Variants in ENPP1 observed in about 807,000 individuals in gnomAD.
ENPP1 encodes the protein ectonucleotide pyrophosphatase/phosphodiesterase 1.
ENPP1 carries 73 observed loss-of-function variants against 122.8 expected under a neutral mutation model. The observed-to-expected ratio is 0.59, with a 90% CI of 0.49 to 0.72. The LOEUF (loss-of-function observed/expected upper bound fraction) is 0.72. Among genes scored for constraint, ENPP1 ranks in the 30% least tolerant of loss-of-function variants. The pLI, the probability that ENPP1 is intolerant of heterozygous loss-of-function variation, is 0.00. For synonymous variants in ENPP1, 367 were observed against 391.6 expected, an observed-to-expected ratio of 0.94 and a Z score of 0.74; for missense variants, 978 against 1,128.1, an observed-to-expected ratio of 0.87 and a Z score of 1.91.
At chr6:131,874,063 CTATA>C (rs1182052340) in intron 15 of ENPP1, among the ~76,000 whole-genome samples, 1 of 152,084 alleles carries the variant, frequency 6.6e-6, no homozygotes, top group East Asian at 1.9e-4. Context: ...CTTCTGTCTA[CTATA>C]TTGCTTATAG....
chr6:131,827,185 T>C, intron 1 of ENPP1: 1 of 769,444 alleles, frequency 1.3e-6, no homozygotes, highest in Non-Finnish European at 2.4e-6. Context: ...CACAAGCTAA[T>C]GTTTTTCAGT....
intron 1 of ENPP1, among the ~76,000 whole-genome samples, chr6:131,844,192 A>G (rs1275917111): frequency 6.6e-6 from 1 of 152,240 alleles, no homozygotes; most frequent in African/African-American, 2.4e-5. Flanking sequence ...GCCACTTGTG[A>G]GAGTACAGTT....
rs1293625114 is a variant in ENPP1, at chr6:131,891,542, C to G, written c.*1031C>G. 2.0e-5 allele frequency: 3 copies of G among 152,302 alleles called. No homozygotes were observed. The highest frequency in any genetic ancestry group is 2.9e-5 in the Non-Finnish European group (2 of 68,036). 9.4% of individuals were successfully genotyped at this position (152,302 alleles called of 1,614,324 possible). A position where few individuals can be genotyped will look rare whatever the true frequency, so the allele number is the denominator to read the frequency against. ...GAACTTGATTTCTTTACTACCTTGA[C>G]TGTAGCTTTTTATCCCTACCTGTGA... On this transcript the variant is annotated 3_prime_UTR_variant, in exon 25 of 25. Coordinates refer to ENST00000647893, the MANE Select transcript of ENPP1 (RefSeq NM_006208.3).
At chr6:131,882,271 C>A in intron 20 of ENPP1, 74 bp from the exon 21 acceptor site, 1 of 1,287,750 alleles carries the variant, frequency 7.8e-7, no homozygotes, top group Non-Finnish European at 1.1e-6. Flanking sequence ...ATGTAGTTCA[C>A]CTTTAAATAT....
At chr6:131,854,359 G>A (rs889551937) in intron 5 of ENPP1, among the ~76,000 whole-genome samples, 1 of 152,096 alleles carries the variant, frequency 6.6e-6, no homozygotes, top group East Asian at 1.9e-4. Context: ...GCTGCAGTGA[G>A]CTGTGATAGC....
In ENPP1 at chr6:131,861,684, CA is replaced by C. The variant is rs1419081031; in HGVS notation, c.1006del (p.Ile336SerfsTer16). 1.2e-6 allele frequency: 2 copies of C among 1,607,614 alleles called. No individual in the cohort carries two copies. Among genetic ancestry groups the C allele is most frequent in the Admixed American group, 3.3e-5 (2 of 60,014 alleles). On this transcript the variant is annotated frameshift_variant, in exon 9 of 25. Transcript: ENST00000647893. LOFTEE classifies it high-confidence loss of function. ...TGGAAATTAACGGAATTTTCCCAGA[CA>C]TCTATAAAATGTATAATGGGTATGT... ...DVEINGIFPDIYKMYNGSVPF... is the reference protein window; with the variant it reads ...DVEINGIFPDXYKMYNGSVPF...
intron 24 of ENPP1, among the ~76,000 whole-genome samples, chr6:131,888,542 C>A (rs1782419184): frequency 6.6e-6 from 1 of 152,164 alleles, no homozygotes; most frequent in Admixed American, 6.5e-5. Flanking sequence ...TTTGCCATCC[C>A]TGATGGTAGT....
At position 131,875,837 on chromosome 6, in the gene ENPP1, A is replaced by G. The variant is rs778800186; in HGVS notation, c.1697A>G (p.Asn566Ser). The change falls in exon 17 of 25, where the codon AAC becomes AGC. Residue 566 changes from asparagine (N) to serine (S), a missense_variant. Asn to Ser is a conservative substitution (Grantham distance 46). Around this residue, in one of 3 missense-constraint regions of ENPP1, gnomAD observed 644 missense variants for 781.5 expected, o/e 0.82. Coordinates refer to ENST00000647893, the MANE Select transcript of ENPP1 (RefSeq NM_006208.3). ...GGCATTGAGGCTGACACCTTTGAAA[A>G]CATTGAAGTCTATAACTTAATGTGT... is the stretch of plus-strand genomic sequence containing the variant. ...KHGIEADTFE[N>S]IEVYNLMCDL... is the part of the protein sequence containing the mutation. The G allele has an allele frequency of 1.2e-6, 2 of 1,613,942 alleles. No homozygotes were observed. The highest frequency in any genetic ancestry group is 2.2e-5 in the South Asian group (2 of 91,074).
rs1292619887 is a variant in ENPP1, at chr6:131,826,094, G to T, written c.240+17819G>T. ...TGCTTTAGGGACTGATATCCTTCCA[G>T]TTCAGGAGGAAGTGTTTCCAGGTAA... On this transcript the variant is annotated intron_variant, in intron 1 of 24. Coordinates refer to ENST00000647893, the MANE Select transcript of ENPP1 (RefSeq NM_006208.3). The T allele has an allele frequency of 4.3e-5, 34 of 799,166 alleles. No individual in the cohort carries two copies. The East Asian group carries it at 6.8e-4, about 16-fold the overall frequency. The allele number at this position is 799,166 out of a possible 1,614,324, so 49.5% of individuals were successfully genotyped here.
rs766794454 is a variant in ENPP1 at position 131,883,669 on chromosome 6, A to T, written c.2231-25A>T. The T allele has an allele frequency of 1.0e-5, 11 of 1,084,758 alleles. No individual in the cohort carries two copies. In the African/African-American group the frequency reaches 1.6e-4, roughly 15 times the overall value. The allele number at this position is 1,084,758 out of a possible 1,614,324, so 67.2% of individuals were successfully genotyped here. A position where few individuals can be genotyped will look rare whatever the true frequency, so the allele number is the denominator to read the frequency against. The stretch of plus-strand genomic sequence containing the variant: ...CCTATGTTATTTGTGAAGAATGAAA[A>T]AGTTGTCCTCTTTTCTCTTTGTAGA... On this transcript the variant is annotated intron_variant, in intron 21 of 24. Transcript: ENST00000647893.
intron 1 of ENPP1, among the ~76,000 whole-genome samples, chr6:131,841,150 T>C (rs919696714): frequency 6.6e-6 from 1 of 152,232 alleles, no homozygotes; most frequent in Non-Finnish European, 1.5e-5. Flanking sequence ...TTCTAACTTC[T>C]GCTTTGAGCT....
intron 1 of ENPP1, among the ~76,000 whole-genome samples, chr6:131,846,871 C>G (rs1232408588): frequency 6.6e-6 from 1 of 152,168 alleles, no homozygotes; most frequent in Non-Finnish European, 1.5e-5. Flanking sequence ...GAAGTTCTGT[C>G]ATGGTTCTTA....
At chr6:131,823,238 C>T (rs576388616) in intron 1 of ENPP1, among the ~76,000 whole-genome samples, 1 of 152,290 alleles carries the variant, frequency 6.6e-6, no homozygotes, top group African/African-American at 2.4e-5. Flanking sequence ...AAAGACTTAT[C>T]TCCTTTAATG....
chr6:131,879,814 T>G, intron 19 of ENPP1, 66 bp from the exon 20 acceptor site: 2 of 1,360,022 alleles, frequency 1.5e-6, no homozygotes, highest in Non-Finnish European at 2.1e-6. Flanking sequence ...ATTAGATGAG[T>G]GTATCACACT....
Position 131,874,260 on chromosome 6 carries a change from A to C in ENPP1, c.1566-8A>C, listed in dbSNP as rs898496235. ...TTTACATTTTTAATTCATATATGTCAACATTAGGAATCCCTCAGAAAGGAA... is the reference window on the plus strand; with the variant it reads ...TTTACATTTTTAATTCATATATGTCCACATTAGGAATCCCTCAGAAAGGAA... On this transcript the variant is annotated splice_polypyrimidine_tract_variant and splice_region_variant and intron_variant, in intron 15 of 24. Transcript: ENST00000647893. 6 of 1,516,596 alleles carry C rather than the reference A, an allele frequency of 4.0e-6. No homozygotes were observed. The highest frequency in any genetic ancestry group is 5.5e-6 in the Non-Finnish European group (6 of 1,092,634). 93.9% of individuals were successfully genotyped at this position (1,516,596 alleles called of 1,614,324 possible).
At chr6:131,862,903 T>C (rs988914746) in intron 9 of ENPP1, among the ~76,000 whole-genome samples, 1 of 151,874 alleles carries the variant, frequency 6.6e-6, no homozygotes, top group Non-Finnish European at 1.5e-5. Context: ...TGTTTTTTTT[T>C]CTGTGTGTGT....
chr6:131,882,183 G>T (rs1782319602), intron 20 of ENPP1, among the ~76,000 whole-genome samples, 162 bp from the exon 21 acceptor site: 2 of 151,734 alleles, frequency 1.3e-5, no homozygotes, highest in South Asian at 4.2e-4. Context: ...TTACACTTTA[G>T]TTAGAAAAAA....
At chr6:131,843,143 A>G (rs566493679) in intron 1 of ENPP1, among the ~76,000 whole-genome samples, 1 of 152,222 alleles carries the variant, frequency 6.6e-6, no homozygotes, top group Admixed American at 6.5e-5. Context: ...CTGCTTTGAC[A>G]GGAAAATTCA....
intron 1 of ENPP1, among the ~76,000 whole-genome samples, chr6:131,822,953 C>T (rs1460446589): frequency 2.0e-5 from 3 of 152,160 alleles, no homozygotes; most frequent in Admixed American, 6.5e-5. Context: ...TCTGGGACTG[C>T]CACAGCACAC....
Sources: gnomAD v4.1 joint callset for allele counts (sites outside exome capture counted in the v4.1 genomes callset) on GRCh38, gnomAD v4.1.1 for gene constraint, gnomAD v4.1.1 regional missense constraint, MANE v1.5 for transcripts, NCBI Gene and HGNC (gene_info 2026-07-23, HGNC 2026-07-21) for gene names.